The following TDRD7 variants were observed in gnomAD, a reference collection of about 807,000 sequenced individuals.
The protein encoded by TDRD7 is tudor domain-containing protein 7.
Under a neutral mutation model 109.8 loss-of-function variants are expected in TDRD7, and 47 were observed. That is an observed-to-expected ratio of 0.43 (90% CI 0.34 to 0.55). The LOEUF (loss-of-function observed/expected upper bound fraction) is 0.55. TDRD7 is among the 20% of genes least tolerant of loss of function. The pLI is 0.03. For synonymous variants in TDRD7, 424 were observed against 457.3 expected (o/e 0.93, Z 0.93); for missense variants, 1,164 against 1,319.2 (o/e 0.88, Z 1.82).
At chr9:97,416,895 T>TGTG (rs1827821030) in intron 1 of TDRD7, among the ~76,000 whole-genome samples, 1 of 152,114 alleles carries the variant, frequency 6.6e-6, no homozygotes, top group Admixed American at 6.5e-5. Context: ...AATCCTTGCT[T>TGTG]TCATGGAGCT....
chr9:97,438,398 T>C (rs1480429770), intron 4 of TDRD7, among the ~76,000 whole-genome samples: 1 of 152,188 alleles, frequency 6.6e-6, no homozygotes, highest in Non-Finnish European at 1.5e-5. Context: ...TCACTATCAC[T>C]CACTATAGTC....
chr9:97,431,680 C>T lies in TDRD7; in HGVS notation c.350-345C>T, dbSNP rs186985389. On this transcript the variant is annotated intron_variant, in intron 3 of 16. Transcript: ENST00000355295. The stretch of plus-strand genomic sequence containing the variant: ...GCAAAGGGGAGACTTGACCCCAGAC[C>T]GCAAACAATGGGTAGAATTTGGATT... 1.5e-3 allele frequency among the ~76,000 whole-genome samples: 232 copies of T among 152,102 alleles called. 2 individuals are homozygous for T. Among genetic ancestry groups the T allele is most frequent in the African/African-American group, 5.2e-3 (217 of 41,466 alleles).
chr9:97,449,608 G>A lies in TDRD7; in HGVS notation c.855+7733G>A, dbSNP rs112098803. Among the ~76,000 whole-genome samples, 79 of 152,266 alleles carry A rather than the reference G, an allele frequency of 5.2e-4. 1 individual carries two copies. The highest frequency in any genetic ancestry group is 3.4e-3 in the Middle Eastern group (1 of 294). The stretch of plus-strand genomic sequence containing the variant: ...CCTCTCTGGGCCTGCCACCCTCCAG[G>A]CAGCCCTCCAAACCTGTCATCTTGG... On this transcript the variant is annotated intron_variant, in intron 6 of 16. Transcript: ENST00000355295.
At chr9:97,472,793 A>T (rs1018681212) in intron 10 of TDRD7, among the ~76,000 whole-genome samples, 2 of 152,182 alleles carry the variant, frequency 1.3e-5, no homozygotes, top group African/African-American at 4.8e-5. Flanking sequence ...AATTGGGTCC[A>T]TGAAGATGTT....
intron 15 of TDRD7, 76 bp from the exon 16 acceptor site, chr9:97,487,096 T>C: frequency 6.8e-7 from 1 of 1,471,394 alleles, no homozygotes; most frequent in Non-Finnish European, 9.4e-7. Flanking sequence ...CTTTTTATCA[T>C]AAAATATTTC....
intron 14 of TDRD7, 144 bp downstream of exon 14, chr9:97,481,082 T>C: frequency 1.4e-6 from 1 of 732,566 alleles, no homozygotes; most frequent in East Asian, 2.6e-5. Flanking sequence ...GCAAATTGGC[T>C]ACATGTGTAG....
chr9:97,456,795 A>G (rs1202913360), intron 6 of TDRD7, among the ~76,000 whole-genome samples: 1 of 152,224 alleles, frequency 6.6e-6, no homozygotes, highest in Non-Finnish European at 1.5e-5. Flanking sequence ...ACCAAAAGCA[A>G]TTGCAACAAA....
At chr9:97,487,381 A>G (rs1211266779) in intron 16 of TDRD7, 49 bp downstream of exon 16, 3 of 1,611,928 alleles carry the variant, frequency 1.9e-6, no homozygotes, top group African/African-American at 1.3e-5. Context: ...CAATATTGTC[A>G]TTTTATCCTG....
chr9:97,448,015 G>A (rs1277624632), intron 6 of TDRD7, among the ~76,000 whole-genome samples: 1 of 152,146 alleles, frequency 6.6e-6, no homozygotes, highest in Non-Finnish European at 1.5e-5. Flanking sequence ...TGAAGTACAT[G>A]GAGTCTATTA....
At position 97,431,071 on chromosome 9, in the gene TDRD7, G is replaced by GA. The variant is rs1407958701; in HGVS notation, c.348dup (p.Gly117ArgfsTer23). On this transcript the variant is annotated frameshift_variant, in exon 3 of 17. Coordinates refer to ENST00000355295, the MANE Select transcript of TDRD7 (RefSeq NM_014290.3). LOFTEE classifies it high-confidence loss of function. ...GAAGAAAACCATGCCATTTTTTCTA[G>GA]AAGGTAGGAGCTTTTTACATGCTAA... is the stretch of plus-strand genomic sequence containing the variant. 1 of 1,613,688 alleles carries GA rather than the reference G, an allele frequency of 6.2e-7. No homozygotes were observed. Among genetic ancestry groups the GA allele is most frequent in the Non-Finnish European group, 8.5e-7 (1 of 1,179,768 alleles).
At position 97,460,705 on chromosome 9, in the gene TDRD7, T is replaced by C; in HGVS notation, c.1383T>C (p.Thr461=). 2 of 1,614,212 alleles carry C rather than the reference T, an allele frequency of 1.2e-6. No homozygotes were observed. The highest frequency in any genetic ancestry group is 1.7e-6 in the Non-Finnish European group (2 of 1,180,038). The change falls in exon 7 of 17, where the codon ACT becomes ACC. Residue 461 remains threonine, a synonymous_variant. Coordinates refer to ENST00000355295, the MANE Select transcript of TDRD7 (RefSeq NM_014290.3). ...DITVPPLMIP[T]EASPSVLVVE... is the part of the protein sequence containing the mutation. ...CAGTTCCTCCTTTAATGATTCCAAC[T>C]GAAGCATCACCATCTGTATTGGTGG...
chr9:97,467,518 C>T (rs776495288), intron 8 of TDRD7, among the ~76,000 whole-genome samples: 7 of 152,184 alleles, frequency 4.6e-5, no homozygotes, highest in Non-Finnish European at 8.8e-5. Flanking sequence ...TACACTTTTT[C>T]ACTTTTTACT....
intron 1 of TDRD7, among the ~76,000 whole-genome samples, chr9:97,420,690 TTTGA>T (rs1178726066): frequency 6.6e-6 from 1 of 152,184 alleles, no homozygotes; most frequent in East Asian, 1.9e-4. Context: ...TGATAGACAT[TTTGA>T]TTGTTTCCAG....
At chr9:97,487,438 T>C in intron 16 of TDRD7, 106 bp downstream of exon 16, 2 of 1,514,956 alleles carry the variant, frequency 1.3e-6, no homozygotes, top group Non-Finnish European at 1.8e-6. Context: ...TTTAGGTATG[T>C]TGGGTTTTTG....
At chr9:97,477,881 A>G (rs1460044844) in intron 12 of TDRD7, among the ~76,000 whole-genome samples, 2 of 152,170 alleles carry the variant, frequency 1.3e-5, no homozygotes, top group East Asian at 1.9e-4. Context: ...AATAATAAAT[A>G]TTACTATACT....
chr9:97,412,528 G>C lies in TDRD7; in HGVS notation c.-7+290G>C, dbSNP rs1827734602. On this transcript the variant is annotated intron_variant, in intron 1 of 16. Transcript: ENST00000355295. This position sits in a 1 kb window ranked among gnomAD's most constrained non-coding sequence, Gnocchi z 4.3. ...ACGCGGGAGTCGGACGGAGCCTCCT[G>C]CCGCCTCGGAAGCTCTGCGCCGTGG... Among the ~76,000 whole-genome samples, 1 of 152,202 alleles carries C rather than the reference G, an allele frequency of 6.6e-6. No individual in the cohort carries two copies. Among genetic ancestry groups the C allele is most frequent in the South Asian group, 2.1e-4 (1 of 4,832 alleles).
chr9:97,470,604 A>G lies in TDRD7; in HGVS notation c.1676A>G (p.Lys559Arg). The G allele has an allele frequency of 6.2e-7, 1 of 1,613,980 alleles. No homozygotes were observed. Among genetic ancestry groups the G allele is most frequent in the Non-Finnish European group, 8.5e-7 (1 of 1,179,962 alleles). The change falls in exon 9 of 17, where the codon AAA becomes AGA. Residue 559 changes from lysine to arginine, a missense_variant. Lys to Arg is a conservative substitution (Grantham distance 26). Coordinates refer to ENST00000355295, the MANE Select transcript of TDRD7 (RefSeq NM_014290.3). The stretch of plus-strand genomic sequence containing the variant: ...TTTAGTGAAAATGTTGAAAAAAGCA[A>G]AGCATACAAATTAAACCCGAAGTTT... ...YGFSENVEKSKAYKLNPKFCS... is the reference protein window; with the variant it reads ...YGFSENVEKSRAYKLNPKFCS...
At chr9:97,429,908 C>T (rs1474962101) in intron 2 of TDRD7, among the ~76,000 whole-genome samples, 7 of 152,052 alleles carry the variant, frequency 4.6e-5, no homozygotes, top group Admixed American at 2.0e-4. Context: ...CTCTTTGTTC[C>T]CCTGTTTTGG....
chr9:97,487,225 A>G lies in TDRD7; in HGVS notation c.2969A>G (p.Tyr990Cys). The G allele has an allele frequency of 6.2e-7, 1 of 1,614,014 alleles. No individual in the cohort carries two copies. Among genetic ancestry groups the G allele is most frequent in the Non-Finnish European group, 8.5e-7 (1 of 1,179,938 alleles). The part of the protein sequence containing the change: ...GILTNGLVSV[Y>C]ELDYGKHELV... ...CTGACCAATGGACTGGTATCTGTGT[A>G]TGAGCTGGATTATGGCAAACACGAA... The change falls in exon 16 of 17, where the codon TAT becomes TGT. Residue 990 changes from tyrosine (Y) to cysteine (C), a missense_variant. Tyr to Cys is a radical substitution (Grantham distance 194). This residue lies in a region of TDRD7 where 162 missense variants were observed against 222.5 expected (regional missense o/e 0.73). Transcript: ENST00000355295.
Sources: allele counts gnomAD v4.1 joint callset (sites outside exome capture counted in the v4.1 genomes callset), GRCh38; gene constraint gnomAD v4.1.1; regional missense constraint gnomAD v4.1.1; non-coding constraint Gnocchi (gnomAD v3.1); transcripts MANE v1.5; gene names NCBI Gene and HGNC (gene_info 2026-07-23, HGNC 2026-07-21).